The following GNPTAB variants were observed in gnomAD, a reference collection of about 807,000 sequenced individuals.
The protein encoded by GNPTAB is N-acetylglucosamine-1-phosphate transferase subunits alpha and beta, also known as N-acetylglucosamine-1-phosphotransferase subunits alpha/beta.
Under a neutral mutation model 136.6 loss-of-function variants are expected in GNPTAB, and 92 were observed. That is an observed-to-expected ratio of 0.67 (90% CI 0.57 to 0.80). The LOEUF is 0.80. Among genes scored for constraint, GNPTAB ranks in the 30% least tolerant of loss-of-function variants. The pLI is 0.00. For synonymous variants in GNPTAB, 512 were observed against 535.1 expected, an observed-to-expected ratio of 0.96 and a Z score of 0.60; for missense variants, 1,343 against 1,501.8, an observed-to-expected ratio of 0.89 and a Z score of 1.75.
At chr12:101,811,008 G>C (rs1048131775) in intron 1 of GNPTAB, among the ~76,000 whole-genome samples, 1 of 152,192 alleles carries the variant, frequency 6.6e-6, no homozygotes, top group Admixed American at 6.5e-5. Flanking sequence ...AAGGGTTTGC[G>C]AGTATCTAGA....
chr12:101,784,495 A>C (rs889647321), intron 5 of GNPTAB, among the ~76,000 whole-genome samples: 4 of 152,200 alleles, frequency 2.6e-5, no homozygotes, highest in Non-Finnish European at 5.9e-5. Flanking sequence ...CTGCTATATT[A>C]TTCTTTTCAT....
chr12:101,821,868 T>C (rs1195117870), intron 1 of GNPTAB, among the ~76,000 whole-genome samples: 5 of 152,088 alleles, frequency 3.3e-5, no homozygotes. Flanking sequence ...CACCCTCCCC[T>C]AGTCTGAGCA....
chr12:101,811,379 TTTTC>T (rs947888397), intron 1 of GNPTAB, among the ~76,000 whole-genome samples: 43 of 88,250 alleles, frequency 4.9e-4, no homozygotes, highest in African/African-American at 2.9e-3. Flanking sequence ...TCACATAATT[TTTTC>T]TTTTTTTTTT....
chr12:101,775,239 A>G (rs955915497), intron 7 of GNPTAB, among the ~76,000 whole-genome samples: 9 of 152,206 alleles, frequency 5.9e-5, no homozygotes, highest in African/African-American at 2.4e-5. Context: ...TTCATTTTGG[A>G]TTCATTTGAT....
chr12:101,814,578 T>G (rs763136299), intron 1 of GNPTAB, among the ~76,000 whole-genome samples: 3 of 151,880 alleles, frequency 2.0e-5, no homozygotes, highest in Non-Finnish European at 4.4e-5. Flanking sequence ...GTGCCTGTAA[T>G]CCCAGCTACT....
At chr12:101,757,697 C>A (rs762303240) in intron 16 of GNPTAB, 40 bp from the exon 17 acceptor site, 1 of 981,884 alleles carries the variant, frequency 1.0e-6, no homozygotes, top group Non-Finnish European at 1.7e-6. Context: ...CACATCAGAG[C>A]TGAAACTAGG....
intron 2 of GNPTAB, among the ~76,000 whole-genome samples, chr12:101,792,722 T>G (rs950892223): frequency 2.0e-5 from 3 of 152,190 alleles, no homozygotes; most frequent in Non-Finnish European, 4.4e-5. Context: ...GAATCCTGAT[T>G]GTACTGTGCT....
At chr12:101,806,821 G>T (rs1380238772) in intron 1 of GNPTAB, among the ~76,000 whole-genome samples, 1 of 151,952 alleles carries the variant, frequency 6.6e-6, no homozygotes, top group Non-Finnish European at 1.5e-5. Context: ...GACCCAGATG[G>T]CTTCACTGGT....
intron 13 of GNPTAB, among the ~76,000 whole-genome samples, chr12:101,762,665 C>CA (rs1187174605): frequency 6.6e-6 from 1 of 151,952 alleles, no homozygotes; most frequent in Non-Finnish European, 1.5e-5. Flanking sequence ...CATCAAAAGG[C>CA]AACTGCAGGG....
chr12:101,765,032 T>C lies in GNPTAB; in HGVS notation c.1885A>G (p.Ile629Val), dbSNP rs374265672. 94 of 1,614,244 alleles carry C rather than the reference T, an allele frequency of 5.8e-5. 1 individual carries two copies. Among genetic ancestry groups the C allele is most frequent in the African/African-American group, 1.9e-4 (14 of 75,064 alleles). The change falls in exon 13 of 21, where the codon ATA becomes GTA. Residue 629 changes from isoleucine to valine, a missense_variant. Ile to Val is a conservative substitution (Grantham distance 29). Coordinates refer to ENST00000299314, the MANE Select transcript of GNPTAB (RefSeq NM_024312.5). ...NTNDEEFKMQ[I>V]TVEVDTREGP... ...TCCCTTGTGTCCACCTCCACTGTTA[T>C]CTGCATTTTGAACTCTTCATCGTTT...
intron 1 of GNPTAB, among the ~76,000 whole-genome samples, chr12:101,824,432 A>ATATATATATATATATATATATTT (rs1188582277): frequency 2.0e-5 from 1 of 50,880 alleles, no homozygotes; most frequent in Non-Finnish European, 3.5e-5. Context: ...ATATATATAT[A>ATATATATATATATATATATATTT]TTTTCTTTTT....
At chr12:101,765,982 G>A (rs569391896) in intron 12 of GNPTAB, 109 bp downstream of exon 12, 94 of 912,408 alleles carry the variant, frequency 1.0e-4, no homozygotes, top group Non-Finnish European at 2.0e-5. Flanking sequence ...GGCTGGTAAA[G>A]GGATACACAG....
At position 101,766,303 on chromosome 12, in the gene GNPTAB, C is replaced by A. The variant is rs764761611; in HGVS notation, c.1409-9G>T. The A allele has an allele frequency of 6.2e-7, 1 of 1,610,146 alleles. No individual in the cohort carries two copies. Among genetic ancestry groups the A allele is most frequent in the South Asian group, 1.1e-5 (1 of 90,928 alleles). ...ACTCCCTCCACTGTTTCCTGTAGAT[C>A]GGAGGAAGAAGAGGGATTCTTGCTG... On this transcript the variant is annotated splice_polypyrimidine_tract_variant and intron_variant, in intron 11 of 20. Coordinates refer to ENST00000299314, the MANE Select transcript of GNPTAB (RefSeq NM_024312.5).
intron 11 of GNPTAB, 84 bp downstream of exon 11, chr12:101,767,953 T>C (rs1953118604): frequency 7.2e-7 from 1 of 1,388,974 alleles, no homozygotes; most frequent in Non-Finnish European, 1.0e-6. Context: ...GAATGTTTGG[T>C]TAAGTCTATA....
In GNPTAB at chr12:101,757,661, T is replaced by C. The variant is rs1159310280; in HGVS notation, c.3250-4A>G. ...CTAGACTTTTAGTGACCGGTGGCTA[T>C]GAGAAAATATAAGTAGATCAGATAT... is the stretch of plus-strand genomic sequence containing the variant. On this transcript the variant is annotated splice_region_variant and splice_polypyrimidine_tract_variant and intron_variant, in intron 16 of 20. Coordinates refer to ENST00000299314, the MANE Select transcript of GNPTAB (RefSeq NM_024312.5). 16 of 1,436,958 alleles carry C rather than the reference T, an allele frequency of 1.1e-5. No homozygotes were observed. The highest frequency in any genetic ancestry group is 1.6e-5 in the Non-Finnish European group (16 of 1,019,602). 89.0% of individuals were successfully genotyped at this position (1,436,958 alleles called of 1,614,324 possible).
chr12:101,812,243 T>C (rs1240114457), intron 1 of GNPTAB, among the ~76,000 whole-genome samples: 1 of 152,128 alleles, frequency 6.6e-6, no homozygotes, highest in African/African-American at 2.4e-5. Flanking sequence ...AGTGAGACCC[T>C]GTCTCAAAAC....
chr12:101,749,445 T>C (rs987257160), intron 19 of GNPTAB, among the ~76,000 whole-genome samples: 6 of 152,230 alleles, frequency 3.9e-5, no homozygotes, highest in Non-Finnish European at 7.3e-5. Flanking sequence ...AAATTACTTC[T>C]GGCACTTAAA....
intron 1 of GNPTAB, among the ~76,000 whole-genome samples, chr12:101,809,907 T>G (rs1870129245): frequency 6.6e-6 from 1 of 152,214 alleles, no homozygotes; most frequent in Non-Finnish European, 1.5e-5. Flanking sequence ...GTGTAATCTA[T>G]GTACATTAGT....
chr12:101,804,357 A>G, intron 1 of GNPTAB, among the ~76,000 whole-genome samples: 1 of 152,146 alleles, frequency 6.6e-6, no homozygotes, highest in East Asian at 1.9e-4. Context: ...AAAAAAAAGA[A>G]CCAACGAACT....
Sources: allele counts gnomAD v4.1 joint callset (sites outside exome capture counted in the v4.1 genomes callset), GRCh38; gene constraint gnomAD v4.1.1; transcripts MANE v1.5; gene names NCBI Gene and HGNC (gene_info 2026-07-23, HGNC 2026-07-21).